The following CAB39L variants were observed in gnomAD, a reference collection of about 807,000 sequenced individuals.
CAB39L encodes calcium-binding protein 39-like.
Under a neutral mutation model 39.1 loss-of-function variants are expected in CAB39L, and 23 were observed. The observed-to-expected ratio is 0.59, with a 90% CI of 0.42 to 0.83. The LOEUF (loss-of-function observed/expected upper bound fraction) is 0.83. CAB39L is among the 40% of genes least tolerant of loss of function. CAB39L has a pLI of 0.00. For synonymous variants in CAB39L, 126 were observed against 137.2 expected (o/e 0.92, Z 0.57); for missense variants, 366 against 391.9 (o/e 0.93, Z 0.56).
intron 4 of CAB39L, among the ~76,000 whole-genome samples, chr13:49,381,402 T>G (rs1483830824): frequency 6.6e-6 from 1 of 152,072 alleles, no homozygotes; most frequent in Non-Finnish European, 1.5e-5. Flanking sequence ...AAAGGAAACA[T>G]CTTTATGACC....
chr13:49,347,044 C>T (rs1955199455), intron 7 of CAB39L, among the ~76,000 whole-genome samples: 1 of 151,830 alleles, frequency 6.6e-6, no homozygotes, highest in South Asian at 2.1e-4. Flanking sequence ...AAAACCAATG[C>T]CAAAATCAAG....
intron 1 of CAB39L, among the ~76,000 whole-genome samples, chr13:49,435,260 C>G (rs1347706650): frequency 6.6e-6 from 1 of 152,160 alleles, no homozygotes; most frequent in Non-Finnish European, 1.5e-5. Context: ...GCAATCAGTT[C>G]TCTATTAATG....
intron 3 of CAB39L, among the ~76,000 whole-genome samples, chr13:49,430,202 G>A (rs1477555196): frequency 6.6e-6 from 1 of 152,104 alleles, no homozygotes; most frequent in Non-Finnish European, 1.5e-5. Context: ...TTCAAAAATT[G>A]CACTTAACTA....
chr13:49,348,970 C>T (rs1422118241), intron 7 of CAB39L, among the ~76,000 whole-genome samples: 2 of 152,164 alleles, frequency 1.3e-5, no homozygotes, highest in Admixed American at 1.3e-4. Flanking sequence ...TCCTTCTGCC[C>T]CACTGACATC....
chr13:49,329,288 C>T (rs1404825535), intron 10 of CAB39L, among the ~76,000 whole-genome samples: 2 of 152,042 alleles, frequency 1.3e-5, no homozygotes, highest in Admixed American at 6.6e-5. Flanking sequence ...TGCTCTACCA[C>T]ACAAATTTTA....
At position 49,331,984 on chromosome 13, in the gene CAB39L, C is replaced by G; in HGVS notation, c.797G>C (p.Ser266Thr). 1 of 1,614,086 alleles carries G rather than the reference C, an allele frequency of 6.2e-7. No homozygotes were observed. The highest frequency in any genetic ancestry group is 2.2e-5 in the East Asian group (1 of 44,874). Residue 266 changes from serine to threonine, a missense_variant, in exon 10 of 11, where the codon AGT becomes ACT. By Grantham distance (58) the Ser-to-Thr change is moderately conservative. Coordinates refer to ENST00000409308, the MANE Select transcript of CAB39L (RefSeq NM_001079670.3). ...KLMMNLLRDK[S>T]PNIQFEAFHV... ...AAAGGCTTCAAACTGGATGTTGGGA[C>G]TTTTATCCCGAAGGAGGTTCATCAT... is the stretch of plus-strand genomic sequence containing the variant.
intron 3 of CAB39L, among the ~76,000 whole-genome samples, chr13:49,432,739 T>G (rs1957346874): frequency 6.6e-6 from 1 of 152,168 alleles, no homozygotes; most frequent in Non-Finnish European, 1.5e-5. Flanking sequence ...TTGTGGAGTT[T>G]TAGAAACTGT....
At chr13:49,326,959 A>G (rs1329446505) in intron 10 of CAB39L, among the ~76,000 whole-genome samples, 1 of 152,118 alleles carries the variant, frequency 6.6e-6, no homozygotes, top group Non-Finnish European at 1.5e-5. Context: ...CTTCGGTCCA[A>G]GGGTCTTGAG....
At position 49,318,400 on chromosome 13, in the gene CAB39L, G is replaced by C. The variant is rs1261591379; in HGVS notation, c.835-7407C>G. Among the ~76,000 whole-genome samples, 2 of 148,118 alleles carry C rather than the reference G, an allele frequency of 1.4e-5. 1 individual carries two copies. The highest frequency in any genetic ancestry group is 3.0e-5 in the Non-Finnish European group (2 of 67,298). ...CAGGATTGCTTGAGCCCGAGAAGTT[G>C]AGGCTGCAGTGAGCTGTGATTCCAG... On this transcript the variant is annotated intron_variant, in intron 10 of 10. Transcript: ENST00000409308.
chr13:49,396,803 T>G (rs1187424550), intron 3 of CAB39L, among the ~76,000 whole-genome samples: 1 of 152,122 alleles, frequency 6.6e-6, no homozygotes, highest in Non-Finnish European at 1.5e-5. Context: ...TGAAATCAAG[T>G]GTACATGGCA....
At chr13:49,396,076 C>G (rs1956614106) in intron 3 of CAB39L, among the ~76,000 whole-genome samples, 1 of 121,898 alleles carries the variant, frequency 8.2e-6, no homozygotes. Context: ...CCAGCCTGGG[C>G]AACACAGTGA....
At chr13:49,421,482 G>A (rs930039506) in intron 3 of CAB39L, among the ~76,000 whole-genome samples, 5 of 152,082 alleles carry the variant, frequency 3.3e-5, no homozygotes, top group African/African-American at 7.2e-5. Context: ...TCCCATCTGC[G>A]CTAGTGGAGA....
At position 49,371,108 on chromosome 13, in the gene CAB39L, A is replaced by C. The variant is rs140895586; in HGVS notation, c.276+5859T>G. 1.7e-3 allele frequency among the ~76,000 whole-genome samples: 261 copies of C among 152,320 alleles called. 2 individuals carry two copies. The highest frequency in any genetic ancestry group is 6.0e-3 in the African/African-American group (251 of 41,584). On this transcript the variant is annotated intron_variant, in intron 5 of 10. Coordinates refer to ENST00000409308, the MANE Select transcript of CAB39L (RefSeq NM_001079670.3). The stretch of plus-strand genomic sequence containing the variant: ...ATGTACAGTTAAAGCTGGTATTTTA[A>C]GGCTTTATGATTTCTGTTATATTTT...
intron 5 of CAB39L, among the ~76,000 whole-genome samples, chr13:49,371,305 A>G (rs1443815446): frequency 6.6e-6 from 1 of 150,870 alleles, no homozygotes; most frequent in Non-Finnish European, 1.5e-5. Flanking sequence ...CTCCTGCCTC[A>G]GCCTCCCAAG....
chr13:49,438,006 AT>A (rs199515639), intron 1 of CAB39L, among the ~76,000 whole-genome samples: 3 of 126,002 alleles, frequency 2.4e-5, no homozygotes, highest in African/African-American at 9.1e-5. Context: ...TTTATTTTTT[AT>A]TTTTTTTAAG....
chr13:49,418,463 T>C (rs186299232), intron 3 of CAB39L, among the ~76,000 whole-genome samples: 18 of 152,354 alleles, frequency 1.2e-4, no homozygotes, highest in Admixed American at 3.9e-4. Flanking sequence ...GTGAGGATAG[T>C]TACACAACTC....
At chr13:49,347,966 C>T (rs1193954327) in intron 7 of CAB39L, among the ~76,000 whole-genome samples, 1 of 152,066 alleles carries the variant, frequency 6.6e-6, no homozygotes, top group African/African-American at 2.4e-5. Context: ...CGTTAACTCC[C>T]CTTCTTCCCT....
chr13:49,433,535 T>C (rs1957360009), intron 2 of CAB39L, 142 bp from the exon 3 acceptor site: 1 of 356,672 alleles, frequency 2.8e-6, no homozygotes, highest in Non-Finnish European at 5.4e-6. Flanking sequence ...TTAAAACAGG[T>C]AAATTTTCAT....
intron 3 of CAB39L, among the ~76,000 whole-genome samples, chr13:49,402,791 G>C (rs1165717185): frequency 1.3e-5 from 2 of 151,946 alleles, no homozygotes; most frequent in Admixed American, 6.6e-5. Context: ...ACAGTTATTT[G>C]GTTATTTCTT....
Sources: allele counts gnomAD v4.1 joint callset (sites outside exome capture counted in the v4.1 genomes callset), GRCh38; gene constraint gnomAD v4.1.1; transcripts MANE v1.5; gene names NCBI Gene and HGNC (gene_info 2026-07-23, HGNC 2026-07-21).